The following DENND5A variants were observed in gnomAD, a reference collection of about 807,000 sequenced individuals.
DENND5A encodes the protein DENN domain containing 5A, also known as DENN domain-containing protein 5A.
In DENND5A, 64 loss-of-function variants were observed where a neutral mutation model predicts 140.3. The ratio of observed to expected loss-of-function variants is 0.46; its 90% confidence interval spans 0.37 to 0.56. The LOEUF is 0.56. Among genes scored for constraint, DENND5A ranks in the 20% least tolerant of loss-of-function variants. DENND5A has a pLI of 0.00. For synonymous variants in DENND5A, 605 were observed against 607.7 expected (o/e 1.00, Z 0.07); for missense variants, 1,292 against 1,593.8 (o/e 0.81, Z 3.22).
At chr11:9,196,004 G>A (rs1849313827) in intron 4 of DENND5A, among the ~76,000 whole-genome samples, 1 of 152,176 alleles carries the variant, frequency 6.6e-6, no homozygotes, top group South Asian at 2.1e-4. Flanking sequence ...CCAGGTTGGA[G>A]TGCAGTGGCG....
At chr11:9,248,058 C>T (rs1851554663) in intron 1 of DENND5A, among the ~76,000 whole-genome samples, 1 of 152,134 alleles carries the variant, frequency 6.6e-6, no homozygotes, top group South Asian at 2.1e-4. Context: ...CTTGATCTCA[C>T]TGCAACCTCT....
chr11:9,247,400 A>G (rs1341499786), intron 1 of DENND5A, among the ~76,000 whole-genome samples: 1 of 152,124 alleles, frequency 6.6e-6, no homozygotes, highest in African/African-American at 2.4e-5. Context: ...GCAGACTCCA[A>G]TTTAGTTCTA....
At chr11:9,202,436 T>A (rs1433691913) in intron 4 of DENND5A, among the ~76,000 whole-genome samples, 1 of 152,206 alleles carries the variant, frequency 6.6e-6, no homozygotes. Flanking sequence ...GGTTCAGTTA[T>A]GTTCACACAC....
Position 9,150,155 on chromosome 11 carries a change from C to T in DENND5A, c.2661G>A (p.Trp887Ter), listed in dbSNP as rs1554911548. ...IKTDVGKARAWVRLSMEKKLL... is the reference protein window; with the variant it reads ...IKTDVGKARA ...ACTTTTTTTCCATGGACAGTCGCAC[C>T]CATGCTCTGGCCTTTCCCACATCAG... The change falls in exon 15 of 23, where the codon TGG becomes TGA. Residue 887 changes from tryptophan to a stop codon, truncating the protein, a stop_gained. Transcript: ENST00000328194. LOFTEE classifies it high-confidence loss of function. 1 of 1,613,958 alleles carries T rather than the reference C, an allele frequency of 6.2e-7. No individual in the cohort carries two copies. The highest frequency in any genetic ancestry group is 8.5e-7 in the Non-Finnish European group (1 of 1,179,900).
At chr11:9,254,797 G>T (rs1851875461) in intron 1 of DENND5A, among the ~76,000 whole-genome samples, 1 of 152,142 alleles carries the variant, frequency 6.6e-6, no homozygotes, top group Non-Finnish European at 1.5e-5. Flanking sequence ...AGTCGGCAAG[G>T]TGTGGTGGTT....
rs143798117 is a variant in DENND5A, at chr11:9,139,216, C to T, written c.*455G>A. 447 of 156,556 alleles carry T rather than the reference C, an allele frequency of 2.9e-3. 3 individuals carry two copies. The highest frequency in any genetic ancestry group is 0.01 in the African/African-American group (423 of 41,622). 9.7% of individuals were successfully genotyped at this position (156,556 alleles called of 1,614,324 possible). On this transcript the variant is annotated 3_prime_UTR_variant, in exon 23 of 23. Coordinates refer to ENST00000328194, the MANE Select transcript of DENND5A (RefSeq NM_015213.4). ...CCTTTGATTGGAGCATGGGGCTTCC[C>T]GCGCAGCACACCTGTGTGTGGCCTA...
chr11:9,190,322 G>A (rs1033271792), intron 5 of DENND5A, among the ~76,000 whole-genome samples: 23 of 152,102 alleles, frequency 1.5e-4, no homozygotes, highest in Admixed American at 1.3e-3. Context: ...AGAGTGATAC[G>A]GTTTGGCTGT....
At position 9,169,495 on chromosome 11, in the gene DENND5A, GCACACACACACACACACA is replaced by G. The variant is rs59297086; in HGVS notation, c.2151+343_2151+360del. Among the ~76,000 whole-genome samples, 503 of 145,800 alleles carry G rather than the reference GCACACACACACACACACA, an allele frequency of 3.4e-3. 4 individuals carry two copies. Among genetic ancestry groups the G allele is most frequent in the African/African-American group, 0.012 (478 of 39,692 alleles). On this transcript the variant is annotated intron_variant, in intron 10 of 22. Coordinates refer to ENST00000328194, the MANE Select transcript of DENND5A (RefSeq NM_015213.4). ...ATTAACTTTTTTCCTATATACACACGCACACACACACACACACACACACACACACACACAAAACTCACA... is the reference window on the plus strand; with the variant it reads ...ATTAACTTTTTTCCTATATACACACGCACACACACACACACAAAACTCACA...
rs115139037 is a variant in DENND5A at position 9,250,704 on chromosome 11, A to G, written c.109+14257T>C. On this transcript the variant is annotated intron_variant, in intron 1 of 22. Transcript: ENST00000328194. ...ACAGTGTAAAACTACAAAGTCATTT[A>G]TAAATATTAATCATTACCATCTGTC... Among the ~76,000 whole-genome samples the G allele has an allele frequency of 3.6e-3, 553 of 152,372 alleles. 4 individuals carry two copies. Among genetic ancestry groups the G allele is most frequent in the African/African-American group, 0.012 (500 of 41,588 alleles).
At chr11:9,205,655 G>A (rs918675613) in intron 3 of DENND5A, among the ~76,000 whole-genome samples, 2 of 152,180 alleles carry the variant, frequency 1.3e-5, no homozygotes, top group African/African-American at 4.8e-5. Flanking sequence ...CACTTTGGGA[G>A]GTCAAGGTAG....
At chr11:9,251,979 ACT>A (rs1851741293) in intron 1 of DENND5A, among the ~76,000 whole-genome samples, 1 of 146,298 alleles carries the variant, frequency 6.8e-6, no homozygotes. Context: ...ACAGAGCGAG[ACT>A]CTGTCTCGCG....
intron 4 of DENND5A, among the ~76,000 whole-genome samples, chr11:9,197,262 G>A (rs562507507): frequency 2.0e-5 from 3 of 151,284 alleles, no homozygotes; most frequent in East Asian, 3.9e-4. Flanking sequence ...CCAAGATCGC[G>A]CCACTGCACT....
chr11:9,248,397 C>G (rs1358966991), intron 1 of DENND5A, among the ~76,000 whole-genome samples: 1 of 151,936 alleles, frequency 6.6e-6, no homozygotes, highest in Non-Finnish European at 1.5e-5. Context: ...ATACCCCTCT[C>G]CAAAAGAGAG....
chr11:9,142,052 T>C lies in DENND5A; in HGVS notation c.3568A>G (p.Asn1190Asp). ...LEKNEVVPEE[N>D]WHTRARNFCR... ...AAGTTCCGGGCTCTTGTATGCCAGT[T>C]TTCCTCAGGGACTACTTCATTCTTC... The change falls in exon 22 of 23, where the codon AAC becomes GAC. Residue 1190 changes from asparagine (N) to aspartate (D), a missense_variant. Around this residue, in one of 4 missense-constraint regions of DENND5A, gnomAD observed 498 missense variants for 689.7 expected, o/e 0.72. Transcript: ENST00000328194. The C allele has an allele frequency of 6.2e-7, 1 of 1,605,706 alleles. No homozygotes were observed. The highest frequency in any genetic ancestry group is 8.5e-7 in the Non-Finnish European group (1 of 1,176,116).
intron 11 of DENND5A, among the ~76,000 whole-genome samples, chr11:9,163,423 C>G (rs1263355047): frequency 6.6e-6 from 1 of 152,084 alleles, no homozygotes; most frequent in African/African-American, 2.4e-5. Context: ...ATTAACATGT[C>G]TAAAATTGAT....
chr11:9,165,327 T>C (rs1848151986), intron 11 of DENND5A, among the ~76,000 whole-genome samples: 1 of 152,160 alleles, frequency 6.6e-6, no homozygotes, highest in South Asian at 2.1e-4. Context: ...GAGTATACAT[T>C]AAGTTTTTAT....
intron 1 of DENND5A, among the ~76,000 whole-genome samples, chr11:9,230,792 A>C (rs753269895): frequency 3.3e-5 from 5 of 152,104 alleles, no homozygotes; most frequent in Non-Finnish European, 4.4e-5. Flanking sequence ...TAGGAGTTCA[A>C]GACTAGCCCA....
At chr11:9,147,494 C>A (rs1847470720) in intron 15 of DENND5A, among the ~76,000 whole-genome samples, 1 of 152,218 alleles carries the variant, frequency 6.6e-6, no homozygotes, top group Non-Finnish European at 1.5e-5. Flanking sequence ...AGGCTTCTAG[C>A]TAGGCTGTCA....
chr11:9,185,149 CCACTGCA>C (rs1209674996), intron 5 of DENND5A, among the ~76,000 whole-genome samples: 1 of 152,102 alleles, frequency 6.6e-6, no homozygotes, highest in Non-Finnish European at 1.5e-5. Context: ...CGAGATTGCG[CCACTGCA>C]CTCCAGCCTG....
Sources: gnomAD v4.1 joint callset for allele counts (sites outside exome capture counted in the v4.1 genomes callset) on GRCh38, gnomAD v4.1.1 for gene constraint, gnomAD v4.1.1 regional missense constraint, MANE v1.5 for transcripts, NCBI Gene and HGNC (gene_info 2026-07-23, HGNC 2026-07-21) for gene names.